Variants in CREBBP observed in about 807,000 individuals in gnomAD.
The protein encoded by CREBBP is CREB binding lysine acetyltransferase.
In CREBBP, 19 loss-of-function variants were observed where a neutral mutation model predicts 265.0. That is an observed-to-expected ratio of 0.07 (90% confidence interval 0.05 to 0.11). The LOEUF (loss-of-function observed/expected upper bound fraction) is 0.11, where lower values mean the gene tolerates loss of function less well. CREBBP is among the 10% of genes least tolerant of loss of function. The pLI is 1.00. For synonymous variants in CREBBP, 1,457 were observed against 1,223.7 expected, an observed-to-expected ratio of 1.19 and a Z score of -3.98; for missense variants, 2,525 against 3,219.0, an observed-to-expected ratio of 0.78 and a Z score of 5.22.
intron 2 of CREBBP, among the ~76,000 whole-genome samples, chr16:3,847,781 A>G (rs1049568412): frequency 2.6e-4 from 40 of 152,242 alleles, no homozygotes; most frequent in Admixed American, 6.5e-5. Context: ...ATGTTTCTTC[A>G]GTAAATTGTA....
intron 5 of CREBBP, 121 bp downstream of exon 5, chr16:3,791,860 C>G: frequency 1.1e-6 from 1 of 876,176 alleles, no homozygotes; most frequent in Non-Finnish European, 1.9e-6. Flanking sequence ...GCTGTCCGCC[C>G]TACCTCACCC....
intron 21 of CREBBP, 124 bp from the exon 22 acceptor site, chr16:3,745,478 T>C: frequency 1.3e-6 from 1 of 792,350 alleles, no homozygotes; most frequent in Non-Finnish European, 2.2e-6. Context: ...CTGACATTAA[T>C]GCGTGTGTTG....
At chr16:3,857,616 G>A (rs184307939) in intron 1 of CREBBP, among the ~76,000 whole-genome samples, 4 of 152,286 alleles carry the variant, frequency 2.6e-5, no homozygotes, top group East Asian at 3.9e-4. Context: ...GATTGACAGC[G>A]ATCCAGTCCC....
chr16:3,857,382 TA>T (rs1211430993), intron 1 of CREBBP, among the ~76,000 whole-genome samples: 3 of 152,212 alleles, frequency 2.0e-5, no homozygotes, highest in Non-Finnish European at 2.9e-5. Context: ...TGTGGCTTTT[TA>T]AAAGGCAAGA....
chr16:3,875,990 C>T (rs2055391604), intron 1 of CREBBP, among the ~76,000 whole-genome samples: 2 of 152,170 alleles, frequency 1.3e-5, no homozygotes, highest in African/African-American at 4.8e-5. Context: ...GCCACTTATA[C>T]AGCACAGGAT....
intron 16 of CREBBP, among the ~76,000 whole-genome samples, chr16:3,764,562 C>T (rs2052801500): frequency 6.6e-6 from 1 of 152,072 alleles, no homozygotes; most frequent in South Asian, 2.1e-4. Context: ...AGGTGGGAGC[C>T]ACTGTGTCCA....
At position 3,728,466 on chromosome 16, in the gene CREBBP, C is replaced by T. The variant is rs763255288; in HGVS notation, c.6581G>A (p.Arg2194Gln). The part of the protein sequence containing the change: ...SMNPQYREML[R>Q]RQLLQQQQQQ... ...CTGCTGCTGCTGCAGCAGCTGCCTC[C>T]GTAACATTTCTCGGTACTGTGGATT... Residue 2194 changes from arginine to glutamine, a missense_variant, in exon 31 of 31, where the codon CGG becomes CAG. By Grantham distance (43) the Arg-to-Gln change is conservative. Transcript: ENST00000262367. The surrounding 1 kb of genome is among the most constrained non-coding windows in gnomAD (Gnocchi z 8.7). 7 of 1,613,726 alleles carry T rather than the reference C, an allele frequency of 4.3e-6. No homozygotes were observed. Among genetic ancestry groups the T allele is most frequent in the East Asian group, 2.2e-5 (1 of 44,870 alleles).
rs2151299303 is a variant in CREBBP at position 3,727,951 on chromosome 16, G to A, written c.7096C>T (p.Arg2366Trp). ...SQPPHSSPSPRIQPQPSPHHV... is the reference protein window; with the variant it reads ...SQPPHSSPSPWIQPQPSPHHV... Reference sequence around the variant, plus strand: ...TGTGGCGAAGGCTGGGGCTGTATCCGTGGTGACGGGCTGGAATGTGGAGGC... The same window carrying A: ...TGTGGCGAAGGCTGGGGCTGTATCCATGGTGACGGGCTGGAATGTGGAGGC... The change falls in exon 31 of 31, where the codon CGG (arginine) becomes TGG (tryptophan). Residue 2366 changes from arginine to tryptophan, a missense_variant. Arg to Trp is a moderately radical substitution (Grantham distance 101, BLOSUM62 -3). This residue lies in a region of CREBBP where 473 missense variants were observed against 459.3 expected (regional missense o/e 1.03). Coordinates refer to ENST00000262367, the MANE Select transcript of CREBBP (RefSeq NM_004380.3). 1 of 1,607,518 alleles carries A rather than the reference G, an allele frequency of 6.2e-7. No homozygotes were observed.
rs2053181668 is a variant in CREBBP, at chr16:3,777,867, G to T, written c.2113+144C>A. 4.4e-6 allele frequency: 5 copies of T among 1,123,938 alleles called. No individual in the cohort carries two copies. In the East Asian group the frequency reaches 9.4e-5, roughly 21 times the overall value. The allele number at this position is 1,123,938 out of a possible 1,614,324, so 69.6% of individuals were successfully genotyped here. On this transcript the variant is annotated intron_variant, in intron 10 of 30. Transcript: ENST00000262367. ...AGTGTCCCAACACAGCCTGAGGCAG[G>T]TGGTCAGGGCCACTGCCACATCAAC...
In CREBBP at chr16:3,781,320, A is replaced by G. The variant is rs761968581; in HGVS notation, c.1574-14T>C. 2 of 1,604,134 alleles carry G rather than the reference A, an allele frequency of 1.2e-6. No individual in the cohort carries two copies. Among genetic ancestry groups the G allele is most frequent in the South Asian group, 2.2e-5 (2 of 90,556 alleles). ...TTGGATTATTTCCTTTAAAGACAGA[A>G]AAGAAATCAATCAACAGTTAAATTT... On this transcript the variant is annotated splice_polypyrimidine_tract_variant and intron_variant, in intron 6 of 30. Transcript: ENST00000262367.
At chr16:3,761,544 C>A (rs2052717453) in intron 16 of CREBBP, 3 of 518,758 alleles carry the variant, frequency 5.8e-6, no homozygotes, top group Non-Finnish European at 1.2e-5. Flanking sequence ...CCTCAGGGCT[C>A]ATTTCCATCA....
chr16:3,876,252 C>G (rs1404062206), intron 1 of CREBBP, among the ~76,000 whole-genome samples: 1 of 151,836 alleles, frequency 6.6e-6, no homozygotes, highest in African/African-American at 2.4e-5. Context: ...GTTGTCCAGG[C>G]TGGTCTCCAA....
intron 21 of CREBBP, among the ~76,000 whole-genome samples, chr16:3,748,503 C>A (rs2052399605): frequency 6.6e-6 from 1 of 152,140 alleles, no homozygotes; most frequent in Non-Finnish European, 1.5e-5. Flanking sequence ...GATGAAGTAA[C>A]CTGCCAAAAG....
intron 2 of CREBBP, 22 bp downstream of exon 2, chr16:3,850,275 G>GA (rs1491583800): frequency 2.5e-6 from 4 of 1,613,108 alleles, no homozygotes; most frequent in Non-Finnish European, 3.4e-6. Flanking sequence ...AGGAAGTATT[G>GA]AAAGTGCTTC....
Position 3,806,533 on chromosome 16 carries a change from T to C in CREBBP, c.975+4070A>G, listed in dbSNP as rs2053833877. Among the ~76,000 whole-genome samples, 4 of 152,052 alleles carry C rather than the reference T, an allele frequency of 2.6e-5. No individual in the cohort carries two copies. In the South Asian group the frequency reaches 8.3e-4, roughly 32 times the overall value. ...GAGACCACGTGGGAGAACCTGAAGA[T>C]GAGGCCCCTCTGGTCACTGAATGTT... On this transcript the variant is annotated intron_variant, in intron 3 of 30. Coordinates refer to ENST00000262367, the MANE Select transcript of CREBBP (RefSeq NM_004380.3).
At chr16:3,759,450 T>C (rs977258796) in intron 16 of CREBBP, among the ~76,000 whole-genome samples, 4 of 151,934 alleles carry the variant, frequency 2.6e-5, no homozygotes, top group African/African-American at 9.7e-5. Context: ...GCCTGGTGTG[T>C]GTCGGGGGTT....
chr16:3,844,746 C>T (rs1022196910), intron 2 of CREBBP, among the ~76,000 whole-genome samples: 1 of 152,106 alleles, frequency 6.6e-6, no homozygotes, highest in Admixed American at 6.6e-5. Flanking sequence ...AAGATAACCC[C>T]ATAAAGCAGC....
intron 9 of CREBBP, 104 bp downstream of exon 9, chr16:3,778,596 C>A: frequency 9.8e-7 from 1 of 1,019,532 alleles, no homozygotes. Context: ...AGGAGTCTGT[C>A]CCAACTACAT....
intron 2 of CREBBP, among the ~76,000 whole-genome samples, chr16:3,846,210 A>G (rs1024766011): frequency 6.6e-6 from 1 of 152,240 alleles, no homozygotes; most frequent in Non-Finnish European, 1.5e-5. Flanking sequence ...AAGATTATGA[A>G]CAATCAGTAA....
Sources: gnomAD v4.1 joint callset for allele counts (sites outside exome capture counted in the v4.1 genomes callset) on GRCh38, gnomAD v4.1.1 for gene constraint, gnomAD v4.1.1 regional missense constraint, Gnocchi (gnomAD v3.1) non-coding constraint, MANE v1.5 for transcripts, NCBI Gene and HGNC (gene_info 2026-07-23, HGNC 2026-07-21) for gene names.